The following VAV2 variants were observed in gnomAD, a reference collection of about 807,000 sequenced individuals.
The protein encoded by VAV2 is guanine nucleotide exchange factor VAV2.
In VAV2, 67 loss-of-function variants were observed where a neutral mutation model predicts 132.5. The ratio of observed to expected loss-of-function variants is 0.51; its 90% confidence interval spans 0.42 to 0.62. The LOEUF (loss-of-function observed/expected upper bound fraction) is 0.62. VAV2 is among the 20% of genes least tolerant of loss of function. The probability of loss-of-function intolerance (pLI) is 0.00; values close to 1 mark genes in which losing one functional copy is unlikely to be tolerated. For missense variants in VAV2, 938 were observed against 1,153.6 expected, an observed-to-expected ratio of 0.81 and a Z score of 2.71; for synonymous variants, 492 against 443.5, an observed-to-expected ratio of 1.11 and a Z score of -1.37.
intron 9 of VAV2, among the ~76,000 whole-genome samples, chr9:133,805,575 G>A (rs1054146965): frequency 6.0e-5 from 9 of 151,204 alleles, no homozygotes; most frequent in African/African-American, 2.2e-4. Flanking sequence ...CCAACAGCCT[G>A]GGCATCGTCT....
intron 1 of VAV2, among the ~76,000 whole-genome samples, chr9:133,946,741 C>T (rs2132162949): frequency 6.6e-6 from 1 of 152,290 alleles, no homozygotes; most frequent in African/African-American, 2.4e-5. Flanking sequence ...AAATTAATTT[C>T]CTGTTTTATT....
rs147044222 is a variant in VAV2 at position 133,769,673 on chromosome 9, C to A, written c.2348-170G>T. ...GCAGCACGGGTTGTCAAGCCCCACC[C>A]AGGCACAGGTGCCACTCGGCCACAC... On this transcript the variant is annotated intron_variant, in intron 27 of 29. Transcript: ENST00000371850. This position sits in a 1 kb window ranked among gnomAD's most constrained non-coding sequence, Gnocchi z 8.1. Among the ~76,000 whole-genome samples, 337 of 152,270 alleles carry A rather than the reference C, an allele frequency of 2.2e-3. 1 individual carries two copies. The highest frequency in any genetic ancestry group is 7.4e-3 in the African/African-American group (306 of 41,558).
intron 2 of VAV2, among the ~76,000 whole-genome samples, chr9:133,913,757 G>A (rs609691): frequency 0.37 from 56,427 of 152,178 alleles, 10,900 homozygotes; most frequent in East Asian, 0.7. Flanking sequence ...CTTGGGCACC[G>A]CGCCCAGGTC....
intron 2 of VAV2, among the ~76,000 whole-genome samples, chr9:133,902,905 A>C (rs1235980462): frequency 6.6e-6 from 1 of 152,014 alleles, no homozygotes; most frequent in African/African-American, 2.4e-5. Flanking sequence ...GTAAAACCCC[A>C]TCTCTACTAA....
At chr9:133,972,919 G>A (rs1003865669) in intron 1 of VAV2, among the ~76,000 whole-genome samples, 1 of 152,116 alleles carries the variant, frequency 6.6e-6, no homozygotes, top group African/African-American at 2.4e-5. Flanking sequence ...CATGATGAGG[G>A]GTGTCTCACA....
chr9:133,949,472 C>G (rs1048802613), intron 1 of VAV2, among the ~76,000 whole-genome samples: 1 of 152,232 alleles, frequency 6.6e-6, no homozygotes, highest in East Asian at 1.9e-4. Context: ...GGCCTGAACA[C>G]TGTTCCCTAT....
rs1840464999 is a variant in VAV2 at position 133,926,000 on chromosome 9, C to CCA, written c.321+13102_321+13103insTG. On this transcript the variant is annotated intron_variant, in intron 2 of 29. Transcript: ENST00000371850. ...AACTTAATTAACTGTGGACATGGACCAAAAAAAAAAAAAAAAAAAAAAAAA... is the reference window on the plus strand; with the variant it reads ...AACTTAATTAACTGTGGACATGGACCCAAAAAAAAAAAAAAAAAAAAAAAAAA... 23 of 63,824 alleles carry CCA rather than the reference C, an allele frequency of 3.6e-4. 6 individuals carry two copies. The highest frequency in any genetic ancestry group is 7.3e-4 in the Admixed American group (4 of 5,486). 4.0% of individuals were successfully genotyped at this position (63,824 alleles called of 1,614,324 possible). A position where few individuals can be genotyped will look rare whatever the true frequency, so the allele number is the denominator to read the frequency against.
chr9:133,799,964 G>A (rs1289363940), intron 9 of VAV2, among the ~76,000 whole-genome samples: 1 of 152,184 alleles, frequency 6.6e-6, no homozygotes, highest in East Asian at 1.9e-4. Flanking sequence ...AATGGTCAGA[G>A]CCATGCGCAG....
rs1002532540 is a variant in VAV2 at position 133,824,582 on chromosome 9, C to T, written c.449+9690G>A. On this transcript the variant is annotated intron_variant, in intron 4 of 29. Transcript: ENST00000371850. The surrounding 1 kb of genome is among the most constrained non-coding windows in gnomAD (Gnocchi z 5.2). ...CACCTCCTCCAGGAAGGCTTCCTGCCCTCCTGGCTTGTCAGGGTCTGCCCC... is the reference window on the plus strand; with the variant it reads ...CACCTCCTCCAGGAAGGCTTCCTGCTCTCCTGGCTTGTCAGGGTCTGCCCC... Among the ~76,000 whole-genome samples, 3 of 152,170 alleles carry T rather than the reference C, an allele frequency of 2.0e-5. No homozygotes were observed. Among genetic ancestry groups the T allele is most frequent in the African/African-American group, 7.2e-5 (3 of 41,428 alleles).
At chr9:133,927,844 C>A (rs914061387) in intron 2 of VAV2, 1 of 152,196 alleles carries the variant, frequency 6.6e-6, no homozygotes, top group Non-Finnish European at 1.5e-5. Context: ...GGGCCAAGGC[C>A]GCTCCCAGAG....
At chr9:133,871,402 A>G (rs1838036164) in intron 2 of VAV2, among the ~76,000 whole-genome samples, 1 of 146,018 alleles carries the variant, frequency 6.8e-6, no homozygotes, top group African/African-American at 2.7e-5. Flanking sequence ...AGATGGACGG[A>G]CGGATGGATG....
intron 2 of VAV2, among the ~76,000 whole-genome samples, chr9:133,930,236 C>T (rs2810514): frequency 0.87 from 131,505 of 151,310 alleles, 58,052 homozygotes; most frequent in East Asian, 0.97. Flanking sequence ...CTCTGCCTCC[C>T]GGCATCCTCA....
At chr9:133,888,981 G>A (rs758287585) in intron 2 of VAV2, among the ~76,000 whole-genome samples, 4 of 152,198 alleles carry the variant, frequency 2.6e-5, no homozygotes, top group Non-Finnish European at 5.9e-5. Context: ...AAGCGCCCCT[G>A]CCAGGGGGGC....
At chr9:133,875,555 G>A (rs779928426) in intron 2 of VAV2, among the ~76,000 whole-genome samples, 5 of 152,238 alleles carry the variant, frequency 3.3e-5, no homozygotes, top group Non-Finnish European at 5.9e-5. Flanking sequence ...AAGTAGCAAA[G>A]AAACAGGCGA....
chr9:133,959,224 T>C (rs1841889825), intron 1 of VAV2, among the ~76,000 whole-genome samples: 1 of 152,188 alleles, frequency 6.6e-6, no homozygotes, highest in Admixed American at 6.5e-5. Context: ...GCTCAGAACC[T>C]GCTGGGCCAA....
At chr9:133,976,059 T>C (rs1779646373) in intron 1 of VAV2, among the ~76,000 whole-genome samples, 2 of 151,414 alleles carry the variant, frequency 1.3e-5, no homozygotes, top group South Asian at 4.2e-4. Context: ...ATACAAAAAT[T>C]AGCCAGGCGT....
chr9:133,837,561 C>T (rs1304486468), intron 3 of VAV2, among the ~76,000 whole-genome samples: 1 of 151,814 alleles, frequency 6.6e-6, no homozygotes, highest in Non-Finnish European at 1.5e-5. Flanking sequence ...TAGCCGGGCG[C>T]GGTGGTGGGC....
At chr9:133,953,832 C>T (rs1239710716) in intron 1 of VAV2, among the ~76,000 whole-genome samples, 1 of 152,180 alleles carries the variant, frequency 6.6e-6, no homozygotes, top group African/African-American at 2.4e-5. Flanking sequence ...TCCCTGTCTC[C>T]AAAGAAGGCA....
intron 3 of VAV2, among the ~76,000 whole-genome samples, chr9:133,839,952 G>A (rs987483011): frequency 6.6e-6 from 1 of 152,184 alleles, no homozygotes; most frequent in Non-Finnish European, 1.5e-5. Context: ...TGGAGACTCT[G>A]GTCATTTTGC....
Sources: gnomAD v4.1 joint callset for allele counts (sites outside exome capture counted in the v4.1 genomes callset) on GRCh38, gnomAD v4.1.1 for gene constraint, Gnocchi (gnomAD v3.1) non-coding constraint, MANE v1.5 for transcripts, NCBI Gene and HGNC (gene_info 2026-07-23, HGNC 2026-07-21) for gene names.